NUTF2: variants seen among roughly 807,000 people sequenced by gnomAD.
The protein encoded by NUTF2 is placental protein 15.
Under a neutral mutation model 18.5 loss-of-function variants are expected in NUTF2, and 3 were observed. The observed-to-expected ratio is 0.16, with a 90% CI of 0.07 to 0.42. The LOEUF is 0.42. Ranked by LOEUF, NUTF2 falls within the 10% of genes least tolerant of loss-of-function variation. The pLI, the probability that NUTF2 is intolerant of heterozygous loss-of-function variation, is 0.99. For missense variants in NUTF2, 44 were observed against 160.7 expected (o/e 0.27, Z 3.93); for synonymous variants, 51 against 57.9 (o/e 0.88, Z 0.54).
intron 1 of NUTF2, among the ~76,000 whole-genome samples, chr16:67,851,137 A>T (rs962353265): frequency 1.3e-4 from 20 of 151,836 alleles, no homozygotes; most frequent in African/African-American, 3.9e-4. Context: ...GTCTTGTTTT[A>T]TTCCGTTGCC....
chr16:67,855,039 A>T (rs76405958), intron 1 of NUTF2, among the ~76,000 whole-genome samples: 2 of 151,296 alleles, frequency 1.3e-5, no homozygotes, highest in Non-Finnish European at 2.9e-5. Context: ...ATGTTTTGAT[A>T]GGGCATTTGA....
In NUTF2 at chr16:67,849,490, C is replaced by T. The variant is rs147482685; in HGVS notation, c.-30+2505C>T. On this transcript the variant is annotated intron_variant, in intron 1 of 4. Coordinates refer to ENST00000219169, the MANE Select transcript of NUTF2 (RefSeq NM_005796.3). The stretch of plus-strand genomic sequence containing the variant: ...CCTGGTAGCTGGGACTACAGGCGCA[C>T]GCCACCATGCCTGGCTAATTTCTGT... Among the ~76,000 whole-genome samples the T allele has an allele frequency of 6.3e-3, 949 of 151,222 alleles. 18 individuals carry two copies. Among genetic ancestry groups the T allele is most frequent in the Non-Finnish European group, 5.9e-3 (401 of 67,806 alleles).
intron 2 of NUTF2, 31 bp downstream of exon 2, chr16:67,865,260 C>A (rs904602009): frequency 2.0e-6 from 3 of 1,483,912 alleles, no homozygotes; most frequent in Non-Finnish European, 1.9e-6. Context: ...CCAGAATGGA[C>A]CCTAGGGGAT....
chr16:67,853,471 C>T (rs2057874762), intron 1 of NUTF2, among the ~76,000 whole-genome samples: 2 of 152,158 alleles, frequency 1.3e-5, no homozygotes, highest in African/African-American at 2.4e-5. Flanking sequence ...GATTCTCCTG[C>T]CTTAGCCTCC....
intron 1 of NUTF2, among the ~76,000 whole-genome samples, chr16:67,855,590 G>A (rs866808094): frequency 6.6e-6 from 1 of 152,148 alleles, no homozygotes; most frequent in African/African-American, 2.4e-5. Flanking sequence ...GGGAATTTTG[G>A]AATGTTTGTT....
chr16:67,854,620 A>G (rs927824836), intron 1 of NUTF2, among the ~76,000 whole-genome samples: 1 of 152,196 alleles, frequency 6.6e-6, no homozygotes, highest in African/African-American at 2.4e-5. Flanking sequence ...GTGAATCCTA[A>G]AAGTTTTCCA....
At chr16:67,854,256 G>T (rs754233327) in intron 1 of NUTF2, among the ~76,000 whole-genome samples, 1 of 152,200 alleles carries the variant, frequency 6.6e-6, no homozygotes, top group African/African-American at 2.4e-5. Context: ...TGGCCTGTGC[G>T]AGGCCTTCTA....
intron 1 of NUTF2, among the ~76,000 whole-genome samples, chr16:67,858,768 T>C (rs2057914883): frequency 1.3e-5 from 2 of 152,086 alleles, no homozygotes; most frequent in African/African-American, 4.8e-5. Context: ...TGGGACAGAA[T>C]ACATAGTAGC....
chr16:67,870,970 T>C lies in NUTF2; in HGVS notation c.*57T>C. On this transcript the variant is annotated 3_prime_UTR_variant, in exon 5 of 5. Coordinates refer to ENST00000219169, the MANE Select transcript of NUTF2 (RefSeq NM_005796.3). ...CTCCTCCCTCCTCTTCCCAATACTA[T>C]TCCCACTCCTCCAGATGCTCCAAAT... 8.1e-7 allele frequency: 1 copy of C among 1,231,010 alleles called. No individual in the cohort carries two copies. Among genetic ancestry groups the C allele is most frequent in the East Asian group, 2.3e-5 (1 of 42,774 alleles). 76.3% of individuals were successfully genotyped at this position (1,231,010 alleles called of 1,614,324 possible).
rs1178105352 is a variant in NUTF2, at chr16:67,871,914, GGA to G, written c.*1003_*1004del. 1 of 152,312 alleles carries G rather than the reference GGA, an allele frequency of 6.6e-6. No individual in the cohort carries two copies. 9.4% of individuals were successfully genotyped at this position (152,312 alleles called of 1,614,324 possible). ...CCACAGAGCCAGGCCCAGTTGTGTT[GGA>G]GTATAGGTCAGGAGCTGTGGAAGGA... On this transcript the variant is annotated 3_prime_UTR_variant, in exon 5 of 5. Coordinates refer to ENST00000219169, the MANE Select transcript of NUTF2 (RefSeq NM_005796.3).
At position 67,868,324 on chromosome 16, in the gene NUTF2, C is replaced by G; in HGVS notation, c.100-16C>G. 1.2e-6 allele frequency: 2 copies of G among 1,612,604 alleles called. No homozygotes were observed. The highest frequency in any genetic ancestry group is 1.1e-5 in the South Asian group (1 of 91,064). On this transcript the variant is annotated splice_polypyrimidine_tract_variant and intron_variant, in intron 2 of 4. Coordinates refer to ENST00000219169, the MANE Select transcript of NUTF2 (RefSeq NM_005796.3). ...CTCTGAGGCCCCAACCCTGGGGTTT[C>G]CTGTGCCTTTTTCAGATTGACGCGT... is the stretch of plus-strand genomic sequence containing the variant.
At chr16:67,861,868 C>G (rs1459924175) in intron 1 of NUTF2, among the ~76,000 whole-genome samples, 2 of 151,784 alleles carry the variant, frequency 1.3e-5, no homozygotes, top group African/African-American at 4.8e-5. Context: ...GGACCCCTCC[C>G]TCATGTTGCA....
chr16:67,868,840 T>C (rs1352509724), intron 4 of NUTF2: 10 of 386,728 alleles, frequency 2.6e-5, no homozygotes, highest in African/African-American at 2.1e-4. Context: ...AACATTTTTG[T>C]GACTGTAGAA....
intron 1 of NUTF2, among the ~76,000 whole-genome samples, chr16:67,859,262 C>T (rs933216047): frequency 2.0e-5 from 3 of 151,902 alleles, no homozygotes; most frequent in African/African-American, 7.3e-5. Context: ...ACACTGCAAC[C>T]TCCACCTCTC....
chr16:67,851,626 TA>T lies in NUTF2; in HGVS notation c.-30+4642del, dbSNP rs1220506602. On this transcript the variant is annotated intron_variant, in intron 1 of 4. Transcript: ENST00000219169. ...GCACCCATTAACTCGTCATTTACAT[TA>T]GGTGTATCTCCTAATGCTATCCCTC... is the stretch of plus-strand genomic sequence containing the variant. Among the ~76,000 whole-genome samples, 5 of 152,280 alleles carry T rather than the reference TA, an allele frequency of 3.3e-5. 1 individual carries two copies. The South Asian group carries it at 1.0e-3, about 32-fold the overall frequency.
At chr16:67,866,178 C>T (rs1023911372) in intron 2 of NUTF2, among the ~76,000 whole-genome samples, 2 of 152,152 alleles carry the variant, frequency 1.3e-5, no homozygotes, top group Non-Finnish European at 2.9e-5. Context: ...TGGGCTGACT[C>T]TCCACAGTCT....
Position 67,871,648 on chromosome 16 carries a change from G to A in NUTF2, c.*735G>A, listed in dbSNP as rs1008268812. 1.3e-5 allele frequency: 2 copies of A among 152,278 alleles called. No homozygotes were observed. Among genetic ancestry groups the A allele is most frequent in the Non-Finnish European group, 2.9e-5 (2 of 68,064 alleles). 9.4% of individuals were successfully genotyped at this position (152,278 alleles called of 1,614,324 possible). ...TCAGGGCCCTAGTAGCAGGAGAGAT[G>A]ATCCTGAATCCTGTTGAAGCTGGAG... is the stretch of plus-strand genomic sequence containing the variant. On this transcript the variant is annotated 3_prime_UTR_variant, in exon 5 of 5. Transcript: ENST00000219169.
At chr16:67,856,527 A>T in intron 1 of NUTF2, among the ~76,000 whole-genome samples, 1 of 118,208 alleles carries the variant, frequency 8.5e-6, no homozygotes, top group African/African-American at 3.4e-5. Context: ...TTCCTTTTTG[A>T]GTCGGAGTTT....
intron 4 of NUTF2, among the ~76,000 whole-genome samples, chr16:67,869,568 C>G (rs910784007): frequency 2.1e-4 from 32 of 151,500 alleles, no homozygotes; most frequent in Admixed American, 1.4e-3. Context: ...GGCAGATTAC[C>G]TGAGGTCAGG....
Sources: allele counts gnomAD v4.1 joint callset (sites outside exome capture counted in the v4.1 genomes callset), GRCh38; gene constraint gnomAD v4.1.1; transcripts MANE v1.5; gene names NCBI Gene and HGNC (gene_info 2026-07-23, HGNC 2026-07-21).